The following VDAC1 variants were observed in gnomAD, a reference collection of about 807,000 sequenced individuals.
The protein encoded by VDAC1 is non-selective voltage-gated ion channel VDAC1.
In VDAC1, 10 loss-of-function variants were observed where a neutral mutation model predicts 34.7. The observed-to-expected ratio is 0.29, with a 90% CI of 0.18 to 0.49. The LOEUF (loss-of-function observed/expected upper bound fraction) is 0.49. Ranked by LOEUF, VDAC1 falls within the 20% of genes least tolerant of loss-of-function variation. VDAC1 has a pLI of 0.99. For synonymous variants in VDAC1, 130 were observed against 136.0 expected (o/e 0.96, Z 0.30); for missense variants, 230 against 347.9 (o/e 0.66, Z 2.69).
chr5:134,052,859 G>A, the VDAC1 span, among the ~76,000 whole-genome samples: 1 of 151,900 alleles, frequency 6.6e-6, no homozygotes, highest in Non-Finnish European at 1.5e-5. Flanking sequence ...GCTCATGCCT[G>A]TAATCCCAGC....
At chr5:134,066,129 C>T in the VDAC1 span, among the ~76,000 whole-genome samples, 7 of 151,496 alleles carry the variant, frequency 4.6e-5, no homozygotes, top group Admixed American at 6.6e-5. Flanking sequence ...TTTTTTGAGA[C>T]GGAGTCTCGC....
At chr5:134,108,134 G>T in the VDAC1 span, among the ~76,000 whole-genome samples, 1 of 152,114 alleles carries the variant, frequency 6.6e-6, no homozygotes. Context: ...AGGCTTCCTG[G>T]ATTAGGAAGA....
At chr5:133,999,959 AGGAG>A (rs1194900133) in intron 1 of VDAC1, among the ~76,000 whole-genome samples, 2 of 152,232 alleles carry the variant, frequency 1.3e-5, no homozygotes, top group Non-Finnish European at 2.9e-5. Context: ...GCCAGCCTAT[AGGAG>A]GGGTATCAGA....
intron 5 of VDAC1, among the ~76,000 whole-genome samples, chr5:133,988,470 C>T (rs1049751882): frequency 3.3e-5 from 5 of 151,838 alleles, no homozygotes; most frequent in African/African-American, 7.3e-5. Context: ...CCTGTAATCC[C>T]GGCTACTCGG....
intron 7 of VDAC1, 132 bp downstream of exon 7, chr5:133,975,739 G>T: frequency 2.1e-6 from 3 of 1,402,314 alleles, no homozygotes; most frequent in Admixed American, 2.0e-5. Flanking sequence ...GATTACAGGC[G>T]TGAGTCACGG....
chr5:134,102,444 G>A, the VDAC1 span, among the ~76,000 whole-genome samples: 3 of 152,004 alleles, frequency 2.0e-5, no homozygotes, highest in Non-Finnish European at 4.4e-5. Flanking sequence ...TGAGGTGGGC[G>A]GATCACCTGA....
chr5:134,032,681 GA>G, the VDAC1 span, among the ~76,000 whole-genome samples: 5 of 152,122 alleles, frequency 3.3e-5, no homozygotes, highest in Non-Finnish European at 7.3e-5. Flanking sequence ...ACTGGAAAGA[GA>G]AAAATACAAA....
the VDAC1 span, among the ~76,000 whole-genome samples, chr5:134,026,428 T>A: frequency 2.2e-5 from 3 of 138,554 alleles, no homozygotes; most frequent in East Asian, 4.3e-4. Flanking sequence ...GGCAGGAGAA[T>A]GGCGTGAACC....
At chr5:134,028,404 A>T in the VDAC1 span, among the ~76,000 whole-genome samples, 2 of 152,186 alleles carry the variant, frequency 1.3e-5, no homozygotes, top group African/African-American at 4.8e-5. Flanking sequence ...AAGTGCTGGG[A>T]TTACAGGTGT....
intron 8 of VDAC1, 85 bp from the exon 9 acceptor site, chr5:133,972,947 T>A (rs956764100): frequency 1.7e-6 from 2 of 1,175,246 alleles, no homozygotes; most frequent in South Asian, 2.6e-5. Context: ...ATTCAGAACC[T>A]GTTCCAGGTA....
the VDAC1 span, among the ~76,000 whole-genome samples, chr5:134,083,632 G>A: frequency 1.3e-5 from 2 of 152,214 alleles, no homozygotes; most frequent in Admixed American, 6.5e-5. Flanking sequence ...AGACTTCCAG[G>A]CCTCAGCTGG....
the VDAC1 span, among the ~76,000 whole-genome samples, chr5:134,017,522 G>A: frequency 6.6e-6 from 1 of 152,146 alleles, no homozygotes; most frequent in African/African-American, 2.4e-5. Context: ...TGAGGGCAGG[G>A]ACCAGCTCTG....
chr5:133,990,061 A>G (rs1410722340), intron 5 of VDAC1, among the ~76,000 whole-genome samples: 1 of 152,254 alleles, frequency 6.6e-6, no homozygotes, highest in Non-Finnish European at 1.5e-5. Flanking sequence ...ATATGAGTGG[A>G]AAAAAACAAG....
chr5:134,071,351 G>A, the VDAC1 span, among the ~76,000 whole-genome samples: 2 of 152,062 alleles, frequency 1.3e-5, no homozygotes, highest in Admixed American at 6.5e-5. The surrounding 1 kb of genome is among the most constrained non-coding windows in gnomAD (Gnocchi z 4.1). Flanking sequence ...GGACTTGGAG[G>A]CCCACAAAGG....
chr5:134,110,324 C>T, the VDAC1 span, among the ~76,000 whole-genome samples: 3 of 152,186 alleles, frequency 2.0e-5, no homozygotes, highest in South Asian at 6.2e-4. Flanking sequence ...GGAGAACCCA[C>T]AGAAGAGTCC....
the VDAC1 span, among the ~76,000 whole-genome samples, chr5:134,016,272 A>G: frequency 1.2e-4 from 19 of 152,142 alleles, no homozygotes; most frequent in African/African-American, 4.6e-4. Flanking sequence ...ACGTTCTCTG[A>G]GAGGGACTGT....
chr5:134,110,265 A>C, the VDAC1 span, among the ~76,000 whole-genome samples: 5 of 152,204 alleles, frequency 3.3e-5, no homozygotes, highest in Non-Finnish European at 5.9e-5. Flanking sequence ...TCTTTATTTT[A>C]ATAACAATTC....
intron 5 of VDAC1, among the ~76,000 whole-genome samples, chr5:133,982,252 G>A (rs1752724495): frequency 6.6e-6 from 1 of 152,206 alleles, no homozygotes; most frequent in Admixed American, 6.5e-5. Flanking sequence ...AGTGGCTCAT[G>A]CCAGTAATTC....
chr5:134,052,713 C>A, the VDAC1 span, among the ~76,000 whole-genome samples: 1 of 152,332 alleles, frequency 6.6e-6, no homozygotes, highest in African/African-American at 2.4e-5. Context: ...ACTTCCTGAG[C>A]ACTGCCATGG....
Sources: gnomAD v4.1 joint callset for allele counts (sites outside exome capture counted in the v4.1 genomes callset) on GRCh38, gnomAD v4.1.1 for gene constraint, Gnocchi (gnomAD v3.1) non-coding constraint, MANE v1.5 for transcripts, NCBI Gene and HGNC (gene_info 2026-07-23, HGNC 2026-07-21) for gene names.